Variants in SLC9B1 observed in about 807,000 individuals in gnomAD.
SLC9B1 encodes the protein sodium/hydrogen exchanger 9B1.
Under a neutral mutation model 51.7 loss-of-function variants are expected in SLC9B1, and 32 were observed. That is an observed-to-expected ratio of 0.62 (90% confidence interval 0.47 to 0.83). SLC9B1 has a LOEUF of 0.83. Ranked by LOEUF, SLC9B1 falls within the 40% of genes least tolerant of loss-of-function variation. The pLI is 0.00. For missense variants in SLC9B1, 406 were observed against 613.2 expected (o/e 0.66, Z 3.57); for synonymous variants, 145 against 212.7 (o/e 0.68, Z 2.77).
At chr4:102,965,221 A>G (rs1304343589) in intron 3 of SLC9B1, among the ~76,000 whole-genome samples, 2 of 152,140 alleles carry the variant, frequency 1.3e-5, no homozygotes, top group African/African-American at 4.8e-5. Flanking sequence ...AATACCTGAG[A>G]CTGTATAAAG....
chr4:102,924,571 C>G (rs1736060765), intron 7 of SLC9B1, among the ~76,000 whole-genome samples: 2 of 152,158 alleles, frequency 1.3e-5, no homozygotes. Flanking sequence ...TCTAATTAAA[C>G]TAGAGAGCTT....
chr4:102,937,301 C>T (rs1736768022), intron 6 of SLC9B1, among the ~76,000 whole-genome samples: 1 of 150,856 alleles, frequency 6.6e-6, no homozygotes, highest in Non-Finnish European at 1.5e-5. Context: ...CGGGATTTCA[C>T]CATATTGGCC....
At chr4:102,887,680 A>T in intron 11 of SLC9B1, 1 of 316,512 alleles carries the variant, frequency 3.2e-6, no homozygotes, top group East Asian at 6.0e-5. Flanking sequence ...GGAAAACCTA[A>T]ATTGTGGCTA....
At chr4:102,935,389 T>C (rs768932322) in intron 6 of SLC9B1, among the ~76,000 whole-genome samples, 4 of 152,280 alleles carry the variant, frequency 2.6e-5, no homozygotes, top group East Asian at 1.9e-4. Flanking sequence ...TCATAAGCTA[T>C]TGGTATTAGG....
chr4:102,986,449 G>T (rs1739629946), intron 3 of SLC9B1, among the ~76,000 whole-genome samples: 1 of 152,052 alleles, frequency 6.6e-6, no homozygotes, highest in Non-Finnish European at 1.5e-5. Flanking sequence ...GCTAGGTGTA[G>T]TCTGTTTGGA....
At chr4:102,890,840 T>TAAAAAGAAAAAAA (rs1734208118) in intron 11 of SLC9B1, 1 of 76,232 alleles carries the variant, frequency 1.3e-5, no homozygotes, top group Non-Finnish European at 2.2e-5. Context: ...AACCCTATCT[T>TAAAAAGAAAAAAA]AAAAAAAAAA....
chr4:102,942,421 C>T (rs1202945858), intron 6 of SLC9B1, among the ~76,000 whole-genome samples: 1 of 152,164 alleles, frequency 6.6e-6, no homozygotes, highest in Non-Finnish European at 1.5e-5. Context: ...TACTTGACTT[C>T]AAACTATACT....
intron 7 of SLC9B1, among the ~76,000 whole-genome samples, chr4:102,922,444 C>A (rs1344946522): frequency 1.3e-5 from 2 of 151,954 alleles, no homozygotes; most frequent in Admixed American, 6.6e-5. Flanking sequence ...ACTAAATGCC[C>A]AGAAGAGAAA....
chr4:103,012,454 C>T (rs150409964), intron 1 of SLC9B1, among the ~76,000 whole-genome samples: 8 of 152,306 alleles, frequency 5.3e-5, no homozygotes, highest in Admixed American at 3.3e-4. Context: ...CAGCTCTCCT[C>T]GTCTTCTGAA....
chr4:102,941,088 A>T (rs1413219282), intron 6 of SLC9B1, among the ~76,000 whole-genome samples: 2 of 152,198 alleles, frequency 1.3e-5, no homozygotes, highest in Non-Finnish European at 2.9e-5. Context: ...AGGAAATTTC[A>T]ATTCTGGAAA....
intron 1 of SLC9B1, among the ~76,000 whole-genome samples, chr4:103,002,880 C>T (rs1740598160): frequency 6.6e-6 from 1 of 152,202 alleles, no homozygotes; most frequent in Non-Finnish European, 1.5e-5. Flanking sequence ...CCAAGCCCTT[C>T]CTTTAAGGAG....
chr4:102,970,113 A>T (rs1171616182), intron 3 of SLC9B1, among the ~76,000 whole-genome samples: 1 of 152,184 alleles, frequency 6.6e-6, no homozygotes, highest in African/African-American at 2.4e-5. Flanking sequence ...GCAGGCCAAC[A>T]TTCAAATTCA....
chr4:102,967,155 C>T (rs1056579243), intron 3 of SLC9B1, among the ~76,000 whole-genome samples: 8 of 152,238 alleles, frequency 5.3e-5, no homozygotes, highest in Non-Finnish European at 1.2e-4. Flanking sequence ...GTAATGACTA[C>T]TTAACCAATC....
At chr4:102,957,511 C>T (rs889888551) in intron 3 of SLC9B1, among the ~76,000 whole-genome samples, 12 of 151,868 alleles carry the variant, frequency 7.9e-5, no homozygotes, top group South Asian at 6.2e-4. Flanking sequence ...CCTTATGAAG[C>T]GACATTTCAA....
At chr4:103,009,064 C>T (rs1275968006) in intron 1 of SLC9B1, among the ~76,000 whole-genome samples, 1 of 152,184 alleles carries the variant, frequency 6.6e-6, no homozygotes, top group Non-Finnish European at 1.5e-5. Flanking sequence ...TCCCAAAGTA[C>T]TGGGATTACA....
At chr4:102,885,288 T>A in exon 12 of SLC9B1, 1 of 1,614,108 alleles carries the variant, frequency 6.2e-7, no homozygotes, top group South Asian at 1.1e-5. Flanking sequence ...GTTCGTCCAT[T>A]CCTCCCGAAG....
At chr4:102,892,062 A>G (rs1734272254) in intron 11 of SLC9B1, 1 of 152,060 alleles carries the variant, frequency 6.6e-6, no homozygotes, top group African/African-American at 2.4e-5. Context: ...AATTTTATCT[A>G]CTTTCATATA....
Position 102,905,651 on chromosome 4 carries a change from C to A in SLC9B1, c.1196-1G>T. 6.2e-7 allele frequency: 1 copy of A among 1,608,186 alleles called. No individual in the cohort carries two copies. The highest frequency in any genetic ancestry group is 8.5e-7 in the Non-Finnish European group (1 of 1,178,752). ...AAACTTAGAGTGGCAACAGATATGC[C>A]TACAACAGATGAAAACAAACATAAA... On this transcript the variant is annotated splice_acceptor_variant, in intron 10 of 11. Coordinates refer to ENST00000296422, the MANE Select transcript of SLC9B1 (RefSeq NM_139173.4). LOFTEE classifies it high-confidence loss of function.
intron 1 of SLC9B1, among the ~76,000 whole-genome samples, chr4:103,011,642 T>C (rs1001046468): frequency 2.6e-5 from 4 of 152,148 alleles, no homozygotes; most frequent in Admixed American, 1.3e-4. Context: ...TTGAAATCTA[T>C]GCGGAGATAG....
Sources: gnomAD v4.1 joint callset for allele counts (sites outside exome capture counted in the v4.1 genomes callset) on GRCh38, gnomAD v4.1.1 for gene constraint, MANE v1.5 for transcripts, NCBI Gene and HGNC (gene_info 2026-07-23, HGNC 2026-07-21) for gene names.